CPB2: variants seen among roughly 807,000 people sequenced by gnomAD.
CPB2 encodes carboxypeptidase B-like protein.
A neutral mutation model predicts 57.0 loss-of-function variants in CPB2; 54 were observed. That is an observed-to-expected ratio of 0.95 (90% CI 0.76 to 1.19). CPB2 has a LOEUF of 1.19. CPB2 is among the 50% of genes most tolerant of loss of function. The probability of loss-of-function intolerance (pLI) is 0.00; values close to 1 mark genes in which losing one functional copy is unlikely to be tolerated. For missense variants in CPB2, 426 were observed against 512.0 expected, an observed-to-expected ratio of 0.83 and a Z score of 1.62; for synonymous variants, 189 against 178.1, an observed-to-expected ratio of 1.06 and a Z score of -0.49.
intron 6 of CPB2, among the ~76,000 whole-genome samples, chr13:46,072,893 G>A (rs1303085255): frequency 2.0e-5 from 3 of 152,156 alleles, no homozygotes; most frequent in African/African-American, 7.2e-5. Context: ...TGATGTGACT[G>A]GGATATGTTA....
rs1351284872 is a variant in CPB2 at position 46,091,162 on chromosome 13, G to A, written c.75-3342C>T. Reference sequence around the variant, plus strand: ...ATTTTTGGTGTTGATTTTCTATTTAGCTCTCTTGGTAGTTTTGATAATTTT... The same window carrying A: ...ATTTTTGGTGTTGATTTTCTATTTAACTCTCTTGGTAGTTTTGATAATTTT... On this transcript the variant is annotated intron_variant, in intron 1 of 10. Coordinates refer to ENST00000181383, the MANE Select transcript of CPB2 (RefSeq NM_001872.5). 2.0e-5 allele frequency among the ~76,000 whole-genome samples: 3 copies of A among 152,094 alleles called. No individual in the cohort carries two copies. In the East Asian group the frequency reaches 5.8e-4, roughly 29 times the overall value.
At chr13:46,072,567 A>G (rs1265975139) in intron 6 of CPB2, among the ~76,000 whole-genome samples, 1 of 152,170 alleles carries the variant, frequency 6.6e-6, no homozygotes, top group Non-Finnish European at 1.5e-5. Flanking sequence ...CTGAAACATC[A>G]TAGGCAATCT....
intron 1 of CPB2, among the ~76,000 whole-genome samples, chr13:46,093,871 A>C (rs567940658): frequency 1.3e-5 from 2 of 152,164 alleles, no homozygotes; most frequent in Non-Finnish European, 1.5e-5. Flanking sequence ...GGGAGGTATA[A>C]CTATGTGGAG....
rs1439469050 is a variant in CPB2, at chr13:46,090,084, AG to A, written c.75-2265del. The stretch of plus-strand genomic sequence containing the variant: ...CCCTTGAGCCAATACTACTCATCTT[AG>A]TGATGGTAGCTTCATATTACATCCT... On this transcript the variant is annotated intron_variant, in intron 1 of 10. Coordinates refer to ENST00000181383, the MANE Select transcript of CPB2 (RefSeq NM_001872.5). Among the ~76,000 whole-genome samples, 3 of 152,204 alleles carry A rather than the reference AG, an allele frequency of 2.0e-5. No individual in the cohort carries two copies. In the East Asian group the frequency reaches 5.8e-4, roughly 29 times the overall value.
intron 6 of CPB2, chr13:46,073,500 T>C (rs1237292593): frequency 1.0e-6 from 1 of 982,486 alleles, no homozygotes; most frequent in African/African-American, 1.8e-5. Context: ...TGGCAAAAGA[T>C]GTCTGGATAA....
intron 8 of CPB2, among the ~76,000 whole-genome samples, chr13:46,059,695 CT>C (rs2044745026): frequency 6.6e-6 from 1 of 152,162 alleles, no homozygotes; most frequent in Non-Finnish European, 1.5e-5. Context: ...CACTGAGCCT[CT>C]CTAGGGCTCC....
chr13:46,058,480 CT>C, intron 8 of CPB2, 99 bp from the exon 9 acceptor site: 2 of 955,020 alleles, frequency 2.1e-6, no homozygotes, highest in Non-Finnish European at 3.3e-6. Flanking sequence ...TGTTGCAACA[CT>C]TTTAGATGAA....
chr13:46,104,552 G>T (rs1361925199), intron 1 of CPB2, among the ~76,000 whole-genome samples: 1 of 152,132 alleles, frequency 6.6e-6, no homozygotes, highest in Non-Finnish European at 1.5e-5. Context: ...TATGTTCCAT[G>T]TACAAGGGGA....
intron 7 of CPB2, among the ~76,000 whole-genome samples, chr13:46,065,169 A>T (rs2044834758): frequency 6.6e-6 from 1 of 152,192 alleles, no homozygotes; most frequent in Non-Finnish European, 1.5e-5. Flanking sequence ...TGCTCTCTTT[A>T]GGTAGAATTC....
rs17844019 is a variant in CPB2, at chr13:46,089,171, C to T, written c.75-1351G>A. Among the ~76,000 whole-genome samples the T allele has an allele frequency of 1.7e-3, 252 of 150,898 alleles. 1 individual carries two copies. The highest frequency in any genetic ancestry group is 2.3e-3 in the Non-Finnish European group (153 of 67,776). ...ACTTCTTTTTTTTTCTTCTTAGCAT[C>T]GTTTATTATTATGATTTTTTACATC... On this transcript the variant is annotated intron_variant, in intron 1 of 10. Coordinates refer to ENST00000181383, the MANE Select transcript of CPB2 (RefSeq NM_001872.5).
intron 1 of CPB2, 23 bp downstream of exon 1, chr13:46,104,913 A>G (rs1468158872): frequency 6.2e-7 from 1 of 1,613,754 alleles, no homozygotes; most frequent in South Asian, 1.1e-5. Context: ...GGCCCACCAC[A>G]GTCTAAGATT....
At chr13:46,057,491 A>C (rs1019082985) in intron 9 of CPB2, among the ~76,000 whole-genome samples, 1 of 152,190 alleles carries the variant, frequency 6.6e-6, no homozygotes, top group Non-Finnish European at 1.5e-5. Context: ...TAACACTTCC[A>C]CTGTCTGGAG....
chr13:46,069,632 A>C (rs2044908387), intron 6 of CPB2, among the ~76,000 whole-genome samples: 1 of 152,204 alleles, frequency 6.6e-6, no homozygotes, highest in Non-Finnish European at 1.5e-5. Context: ...TACTTAGCAT[A>C]GTATTTTCAA....
chr13:46,074,315 T>C (rs1483049898), intron 5 of CPB2, among the ~76,000 whole-genome samples: 2 of 152,228 alleles, frequency 1.3e-5, no homozygotes, highest in Admixed American at 6.5e-5. Flanking sequence ...GGGCTGTATC[T>C]TCATGCTTCA....
intron 2 of CPB2, among the ~76,000 whole-genome samples, chr13:46,086,437 T>C (rs1382040357): frequency 6.6e-6 from 1 of 151,758 alleles, no homozygotes; most frequent in Non-Finnish European, 1.5e-5. Context: ...TCCTGATGAG[T>C]GTTCGTTCTC....
At chr13:46,064,866 G>T in intron 7 of CPB2, 125 bp from the exon 8 acceptor site, 1 of 690,788 alleles carries the variant, frequency 1.4e-6, no homozygotes, top group Non-Finnish European at 2.6e-6. Flanking sequence ...ACCTTGCATG[G>T]CTTCATCACA....
At chr13:46,054,782 ACT>A (rs2044673623) in intron 10 of CPB2, among the ~76,000 whole-genome samples, 1 of 148,000 alleles carries the variant, frequency 6.8e-6, no homozygotes, top group African/African-American at 2.6e-5. Context: ...ATGGAGTCTC[ACT>A]CTGTCACCCA....
intron 1 of CPB2, among the ~76,000 whole-genome samples, chr13:46,094,608 CCAGTA>C (rs2045340038): frequency 6.6e-6 from 1 of 152,080 alleles, no homozygotes; most frequent in Non-Finnish European, 1.5e-5. Context: ...GGCTTAACCA[CCAGTA>C]ACAAGTTGGG....
At position 46,064,666 on chromosome 13, in the gene CPB2, C is replaced by G; in HGVS notation, c.778G>C (p.Ala260Pro). 1.9e-6 allele frequency: 3 copies of G among 1,614,080 alleles called. No homozygotes were observed. Residue 260 changes from alanine to proline, a missense_variant, in exon 8 of 11, where the codon GCT becomes CCT. Ala to Pro is a conservative substitution (Grantham distance 27). Coordinates refer to ENST00000181383, the MANE Select transcript of CPB2 (RefSeq NM_001872.5). The stretch of plus-strand genomic sequence containing the variant: ...AACCTACCACACCAGTGTTTGGAAG[C>G]AAAGTTCCTATTCAGGTCTGTTCCG... ...CIGTDLNRNF[A>P]SKHWCEEGAS...
Sources: gnomAD v4.1 joint callset for allele counts (sites outside exome capture counted in the v4.1 genomes callset) on GRCh38, gnomAD v4.1.1 for gene constraint, MANE v1.5 for transcripts, NCBI Gene and HGNC (gene_info 2026-07-23, HGNC 2026-07-21) for gene names.